Variants in STIM1 observed in about 807,000 individuals in gnomAD.
The protein encoded by STIM1 is stromal interaction molecule 1.
STIM1 carries 25 observed loss-of-function variants against 74.7 expected under a neutral mutation model. That is an observed-to-expected ratio of 0.33 (90% CI 0.24 to 0.47). The LOEUF (loss-of-function observed/expected upper bound fraction) is 0.47. Among genes scored for constraint, STIM1 ranks in the 20% least tolerant of loss-of-function variants. STIM1 has a pLI of 1.00. For missense variants in STIM1, 728 were observed against 920.8 expected (o/e 0.79, Z 2.71); for synonymous variants, 328 against 348.8 (o/e 0.94, Z 0.66).
chr11:4,035,087 G>C (rs951571241), intron 3 of STIM1, among the ~76,000 whole-genome samples: 1 of 151,928 alleles, frequency 6.6e-6, no homozygotes, highest in Admixed American at 6.6e-5. Flanking sequence ...ACTTTGATCT[G>C]TATTATTTTC....
At chr11:4,005,618 T>C (rs1007967154) in intron 2 of STIM1, among the ~76,000 whole-genome samples, 3 of 151,756 alleles carry the variant, frequency 2.0e-5, no homozygotes, top group Non-Finnish European at 4.4e-5. Flanking sequence ...TTAGGAGATA[T>C]ACCTAATGCT....
At chr11:3,860,129 G>A (rs2090541887) in intron 1 of STIM1, among the ~76,000 whole-genome samples, 1 of 152,102 alleles carries the variant, frequency 6.6e-6, no homozygotes. Flanking sequence ...AAAATGTCAT[G>A]GAAGAAATAA....
intron 11 of STIM1, chr11:4,086,254 T>G: frequency 1.7e-6 from 1 of 597,304 alleles, no homozygotes; most frequent in South Asian, 2.0e-5. Flanking sequence ...ATAGGTCTCC[T>G]TCTATTGGAA....
intron 3 of STIM1, among the ~76,000 whole-genome samples, chr11:4,051,272 A>C (rs1027440879): frequency 3.9e-5 from 6 of 152,234 alleles, no homozygotes; most frequent in Admixed American, 3.9e-4. Context: ...GATACAGAAT[A>C]AACTTTTGCT....
At chr11:3,937,290 C>CAATAATAATAATAAT (rs5789317) in intron 1 of STIM1, among the ~76,000 whole-genome samples, 5,259 of 132,992 alleles carry the variant, frequency 0.04, 281 homozygotes, top group African/African-American at 0.12. Context: ...GACTTCATCT[C>CAATAATAATAATAAT]AATAATAATA....
At chr11:4,004,290 C>T (rs1219521641) in intron 2 of STIM1, among the ~76,000 whole-genome samples, 1 of 152,024 alleles carries the variant, frequency 6.6e-6, no homozygotes, top group African/African-American at 2.4e-5. Flanking sequence ...CAATCCTAAG[C>T]CAAAAGAACA....
intron 1 of STIM1, among the ~76,000 whole-genome samples, chr11:3,870,740 C>T (rs1163755354): frequency 6.6e-6 from 1 of 152,138 alleles, no homozygotes; most frequent in Non-Finnish European, 1.5e-5. Context: ...TCAAGCAATC[C>T]ACCCACCTCA....
intron 2 of STIM1, among the ~76,000 whole-genome samples, chr11:3,972,374 A>T (rs1423805731): frequency 6.6e-6 from 1 of 152,202 alleles, no homozygotes; most frequent in East Asian, 1.9e-4. Flanking sequence ...CTATTACCCC[A>T]GTACCTAGAT....
At position 4,091,830 on chromosome 11, in the gene STIM1, G is replaced by A; in HGVS notation, c.*32G>A. On this transcript the variant is annotated 3_prime_UTR_variant, in exon 13 of 13. Coordinates refer to ENST00000526596, the MANE Select transcript of STIM1 (RefSeq NM_001382567.1). ...TGGGGTGGCAGTAAAGGGACAGCTT[G>A]TCCTTCCCTGGGTGTTCTGTCTCTC... 6.3e-7 allele frequency: 1 copy of A among 1,599,470 alleles called. No homozygotes were observed.
intron 1 of STIM1, among the ~76,000 whole-genome samples, chr11:3,923,302 C>T (rs1169973380): frequency 6.6e-6 from 1 of 151,956 alleles, no homozygotes. Flanking sequence ...TGATCCAACA[C>T]CATTTATTGA....
chr11:4,086,782 T>G (rs1169351450), intron 12 of STIM1: 6 of 1,536,646 alleles, frequency 3.9e-6, no homozygotes, highest in Non-Finnish European at 5.2e-6. Flanking sequence ...CACTTCCTAT[T>G]TCCTCCAGAT....
chr11:3,864,324 AT>A (rs1444036020), intron 1 of STIM1, among the ~76,000 whole-genome samples: 1 of 152,240 alleles, frequency 6.6e-6, no homozygotes, highest in Non-Finnish European at 1.5e-5. Context: ...TTATTATCTC[AT>A]AGATTCTGTG....
intron 1 of STIM1, among the ~76,000 whole-genome samples, chr11:3,964,122 A>G (rs1359580244): frequency 6.6e-6 from 1 of 152,200 alleles, no homozygotes; most frequent in Admixed American, 6.5e-5. Flanking sequence ...AACTTGTCCA[A>G]TATCTTATGG....
At chr11:3,892,424 T>C in intron 1 of STIM1, 1 of 1,456,474 alleles carries the variant, frequency 6.9e-7, no homozygotes, top group Non-Finnish European at 9.6e-7. Context: ...AGTGGTGATC[T>C]TCTTGCTGGT....
At chr11:4,055,414 G>C (rs529099829) in intron 3 of STIM1, 112 bp from the exon 4 acceptor site, 18 of 807,870 alleles carry the variant, frequency 2.2e-5, no homozygotes, top group African/African-American at 5.1e-5. Flanking sequence ...TATTTTATGG[G>C]ACAGATAGAT....
At chr11:4,016,682 C>G (rs1481885325) in intron 2 of STIM1, among the ~76,000 whole-genome samples, 1 of 152,260 alleles carries the variant, frequency 6.6e-6, no homozygotes. Flanking sequence ...GGCAGTAGGC[C>G]TTGCTGAGGT....
At chr11:3,942,585 G>A (rs941205982) in intron 1 of STIM1, among the ~76,000 whole-genome samples, 7 of 152,190 alleles carry the variant, frequency 4.6e-5, no homozygotes, top group Non-Finnish European at 8.8e-5. Context: ...GTGATGGACC[G>A]GTAGGTGGCA....
chr11:4,091,215 T>C, intron 12 of STIM1, 67 bp from the exon 13 acceptor site: 1 of 1,608,622 alleles, frequency 6.2e-7, no homozygotes, highest in Non-Finnish European at 8.5e-7. Context: ...CTCTCTCCTC[T>C]TCGCCTTTCC....
chr11:3,944,147 T>C (rs2135624565), intron 1 of STIM1, among the ~76,000 whole-genome samples: 1 of 152,380 alleles, frequency 6.6e-6, no homozygotes, highest in Non-Finnish European at 1.5e-5. Context: ...CTGAGTTGTT[T>C]AGAGGAAGGG....
Sources: allele counts gnomAD v4.1 joint callset (sites outside exome capture counted in the v4.1 genomes callset), GRCh38; gene constraint gnomAD v4.1.1; transcripts MANE v1.5; gene names NCBI Gene and HGNC (gene_info 2026-07-23, HGNC 2026-07-21).